JAK2: variants seen among roughly 807,000 people sequenced by gnomAD.
JAK2 encodes the protein tyrosine-protein kinase JAK2.
JAK2 carries 86 observed loss-of-function variants against 139.3 expected under a neutral mutation model. That is an observed-to-expected ratio of 0.62 (90% CI 0.52 to 0.74). JAK2 has a LOEUF of 0.74. JAK2 is among the 30% of genes least tolerant of loss of function. The probability of loss-of-function intolerance (pLI) is 0.00; values close to 1 mark genes in which losing one functional copy is unlikely to be tolerated. For synonymous variants in JAK2, 490 were observed against 437.7 expected, an observed-to-expected ratio of 1.12 and a Z score of -1.49; for missense variants, 1,421 against 1,360.3, an observed-to-expected ratio of 1.04 and a Z score of -0.70.
At chr9:5,032,296 G>C (rs191902769) in intron 4 of JAK2, among the ~76,000 whole-genome samples, 2 of 152,290 alleles carry the variant, frequency 1.3e-5, no homozygotes, top group East Asian at 1.9e-4. Context: ...GAGGCCTGCC[G>C]GCCTCTGTAG....
At chr9:5,049,881 T>C (rs531358889) in intron 5 of JAK2, among the ~76,000 whole-genome samples, 1 of 152,308 alleles carries the variant, frequency 6.6e-6, no homozygotes, top group African/African-American at 2.4e-5. Context: ...TTGTAGGCAC[T>C]TGTAACACAA....
intron 12 of JAK2, among the ~76,000 whole-genome samples, chr9:5,071,645 A>C (rs1818955859): frequency 6.6e-6 from 1 of 152,168 alleles, no homozygotes; most frequent in Non-Finnish European, 1.5e-5. Context: ...GGATTATATG[A>C]AAGAGGGATT....
At chr9:4,992,475 C>T (rs937176623) in intron 2 of JAK2, among the ~76,000 whole-genome samples, 5 of 152,092 alleles carry the variant, frequency 3.3e-5, no homozygotes, top group African/African-American at 1.2e-4. Context: ...AGTGTTATGG[C>T]CATCTTTGGA....
At chr9:5,046,591 G>C (rs1042821460) in intron 5 of JAK2, among the ~76,000 whole-genome samples, 1 of 152,130 alleles carries the variant, frequency 6.6e-6, no homozygotes, top group African/African-American at 2.4e-5. Context: ...GTGAAGGTAA[G>C]GGCCCAACTT....
At position 5,080,102 on chromosome 9, in the gene JAK2, C is replaced by G. The variant is rs565479484; in HGVS notation, c.2132-127C>G. 4.5e-5 allele frequency: 32 copies of G among 707,944 alleles called. No individual in the cohort carries two copies. In the East Asian group the frequency reaches 8.1e-4, roughly 18 times the overall value. 43.9% of individuals were successfully genotyped at this position (707,944 alleles called of 1,614,324 possible). A position where few individuals can be genotyped will look rare whatever the true frequency, so the allele number is the denominator to read the frequency against. On this transcript the variant is annotated intron_variant, in intron 16 of 24. Transcript: ENST00000381652. The stretch of plus-strand genomic sequence containing the variant: ...ATGCAGTCATGTGCATGTGCACATC[C>G]AACCCCTCCAAAATAAAGAAAATAG...
At chr9:5,085,584 A>C (rs1820024511) in intron 19 of JAK2, 1 of 689,132 alleles carries the variant, frequency 1.5e-6, no homozygotes, top group South Asian at 1.6e-5. Flanking sequence ...TTTGTGCCCC[A>C]CCTATAGATA....
chr9:5,110,152 A>C (rs1459650993), intron 22 of JAK2: 2 of 152,188 alleles, frequency 1.3e-5, no homozygotes, highest in African/African-American at 4.8e-5. Flanking sequence ...TTCGGCCTCC[A>C]TCCCTGACTT....
intron 2 of JAK2, among the ~76,000 whole-genome samples, chr9:5,002,410 A>G (rs989048226): frequency 3.3e-5 from 5 of 151,980 alleles, no homozygotes; most frequent in East Asian, 1.9e-4. Flanking sequence ...ATTTAGAACT[A>G]TGTTAATTTT....
At chr9:5,094,418 C>G (rs1820820841) in intron 22 of JAK2, 1 of 152,082 alleles carries the variant, frequency 6.6e-6, no homozygotes, top group Admixed American at 6.6e-5. Flanking sequence ...GCAGTCTATT[C>G]CATTCTATGA....
chr9:5,011,859 A>G (rs533697045), intron 2 of JAK2, among the ~76,000 whole-genome samples: 3 of 152,276 alleles, frequency 2.0e-5, no homozygotes, highest in East Asian at 1.9e-4. Flanking sequence ...CAGTTTTGCC[A>G]TTACTTCTGG....
chr9:5,075,516 T>C (rs567418133), intron 14 of JAK2, among the ~76,000 whole-genome samples: 2 of 152,218 alleles, frequency 1.3e-5, no homozygotes, highest in Non-Finnish European at 2.9e-5. Flanking sequence ...ACTCTGCCTG[T>C]GCTCTATACA....
chr9:5,069,099 G>A lies in JAK2; in HGVS notation c.1404G>A (p.Lys468=), dbSNP rs772550238. ...ENEEYNLSGT[K]KNFSSLKDLL... ...AAGAGTACAACCTCAGTGGGACAAAGAAGAACTTCAGCAGTCTTAAAGATC... is the reference window on the plus strand; with the variant it reads ...AAGAGTACAACCTCAGTGGGACAAAAAAGAACTTCAGCAGTCTTAAAGATC... The change falls in exon 11 of 25, where the codon AAG becomes AAA. Residue 468 remains lysine (K), a synonymous_variant. Transcript: ENST00000381652. 6.2e-7 allele frequency: 1 copy of A among 1,611,456 alleles called. No homozygotes were observed. Among genetic ancestry groups the A allele is most frequent in the East Asian group, 2.2e-5 (1 of 44,710 alleles).
intron 19 of JAK2, among the ~76,000 whole-genome samples, chr9:5,082,415 A>G (rs1819767235): frequency 6.6e-6 from 1 of 152,250 alleles, no homozygotes; most frequent in Admixed American, 6.5e-5. Context: ...AGAATAATAA[A>G]GCAGCATTGC....
intron 8 of JAK2, among the ~76,000 whole-genome samples, chr9:5,064,649 A>G (rs1229818453): frequency 6.6e-6 from 1 of 152,252 alleles, no homozygotes; most frequent in African/African-American, 2.4e-5. Flanking sequence ...TGGAAAATAA[A>G]GTAAAATGAT....
At position 5,079,827 on chromosome 9, in the gene JAK2, A is replaced by AT. The variant is rs1468861100; in HGVS notation, c.2132-402_2132-401insT. Among the ~76,000 whole-genome samples the AT allele has an allele frequency of 3.3e-4, 50 of 151,622 alleles. No individual in the cohort carries two copies. In the South Asian group the frequency reaches 7.5e-3, roughly 23 times the overall value. Reference sequence around the variant, plus strand: ...CAGTGACACCCTGTCTCAAAAAAAAAATTTTTTTTTTTTGAAGGTAAAACT... The same window carrying AT: ...CAGTGACACCCTGTCTCAAAAAAAAATATTTTTTTTTTTTGAAGGTAAAACT... On this transcript the variant is annotated intron_variant, in intron 16 of 24. Coordinates refer to ENST00000381652, the MANE Select transcript of JAK2 (RefSeq NM_004972.4).
chr9:5,121,031 A>G (rs1159654334), intron 22 of JAK2, among the ~76,000 whole-genome samples: 3 of 152,186 alleles, frequency 2.0e-5, no homozygotes, highest in African/African-American at 7.2e-5. Flanking sequence ...ATACTATCTA[A>G]GGGAAAGTTT....
intron 22 of JAK2, among the ~76,000 whole-genome samples, chr9:5,121,002 T>G (rs914277137): frequency 6.6e-6 from 1 of 152,094 alleles, no homozygotes; most frequent in Non-Finnish European, 1.5e-5. Flanking sequence ...TTTGGGAGAC[T>G]TTAGTATATA....
chr9:5,088,745 C>T (rs1044039879), intron 19 of JAK2, among the ~76,000 whole-genome samples: 4 of 152,166 alleles, frequency 2.6e-5, no homozygotes, highest in African/African-American at 4.8e-5. Flanking sequence ...TTGCAGATGG[C>T]CATCTTCTTG....
intron 16 of JAK2, 43 bp downstream of exon 16, chr9:5,078,487 T>G (rs1586749478): frequency 1.3e-6 from 2 of 1,528,404 alleles, no homozygotes; most frequent in African/African-American, 2.8e-5. Context: ...TAAGCTTTAC[T>G]TGGGCAGTGG....
Sources: allele counts gnomAD v4.1 joint callset (sites outside exome capture counted in the v4.1 genomes callset), GRCh38; gene constraint gnomAD v4.1.1; transcripts MANE v1.5; gene names NCBI Gene and HGNC (gene_info 2026-07-23, HGNC 2026-07-21).